The following STXBP5L variants were observed in gnomAD, a reference collection of about 807,000 sequenced individuals.
The protein encoded by STXBP5L is syntaxin-binding protein 5-like.
STXBP5L carries 65 observed loss-of-function variants against 144.5 expected under a neutral mutation model. The ratio of observed to expected loss-of-function variants is 0.45; its 90% CI spans 0.37 to 0.55. The LOEUF (loss-of-function observed/expected upper bound fraction) is 0.55, where lower values mean the gene tolerates loss of function less well. Among genes scored for constraint, STXBP5L ranks in the 20% least tolerant of loss-of-function variants. STXBP5L has a pLI of 0.00. For synonymous variants in STXBP5L, 505 were observed against 469.6 expected, an observed-to-expected ratio of 1.08 and a Z score of -0.97; for missense variants, 1,298 against 1,405.5, an observed-to-expected ratio of 0.92 and a Z score of 1.22.
chr3:120,982,559 T>A (rs150386865), intron 3 of STXBP5L, among the ~76,000 whole-genome samples: 3 of 152,272 alleles, frequency 2.0e-5, no homozygotes, highest in Admixed American at 6.5e-5. Flanking sequence ...CAGGCCACAG[T>A]GTAACTGAGG....
At chr3:121,301,339 C>G (rs1468351970) in intron 19 of STXBP5L, among the ~76,000 whole-genome samples, 8 of 152,090 alleles carry the variant, frequency 5.3e-5, no homozygotes, top group East Asian at 1.9e-4. Flanking sequence ...CGATTTGGCT[C>G]TCTGTTTGTC....
intron 2 of STXBP5L, among the ~76,000 whole-genome samples, chr3:120,937,767 G>A (rs1185176007): frequency 6.6e-6 from 1 of 152,192 alleles, no homozygotes; most frequent in South Asian, 2.1e-4. Context: ...AAATCTTAGG[G>A]TCTATGTTGG....
intron 5 of STXBP5L, among the ~76,000 whole-genome samples, chr3:121,063,086 C>T (rs1024750593): frequency 6.6e-6 from 1 of 152,174 alleles, no homozygotes; most frequent in African/African-American, 2.4e-5. Context: ...GCAGAAGAGT[C>T]ATTCTGGTTC....
intron 3 of STXBP5L, among the ~76,000 whole-genome samples, chr3:121,029,140 A>C (rs1946178238): frequency 6.6e-6 from 1 of 152,198 alleles, no homozygotes; most frequent in Non-Finnish European, 1.5e-5. Flanking sequence ...ATCCCCGTCA[A>C]GCTACCACTG....
intron 22 of STXBP5L, among the ~76,000 whole-genome samples, chr3:121,388,829 C>A (rs2046496705): frequency 6.6e-6 from 1 of 152,218 alleles, no homozygotes; most frequent in Non-Finnish European, 1.5e-5. Context: ...CGATGTTCAT[C>A]ACAGATATTG....
intron 3 of STXBP5L, among the ~76,000 whole-genome samples, chr3:120,962,787 A>G (rs1295771507): frequency 3.3e-5 from 5 of 152,144 alleles, no homozygotes; most frequent in Non-Finnish European, 7.4e-5. Flanking sequence ...TATGAACTTT[A>G]AATAGTTTTT....
chr3:121,221,579 C>T (rs1349613701), intron 10 of STXBP5L, among the ~76,000 whole-genome samples: 1 of 151,330 alleles, frequency 6.6e-6, no homozygotes, highest in Non-Finnish European at 1.5e-5. Context: ...CACACTATTT[C>T]ATAAATAACT....
At chr3:120,932,385 G>C (rs192846647) in intron 2 of STXBP5L, among the ~76,000 whole-genome samples, 31 of 152,190 alleles carry the variant, frequency 2.0e-4, no homozygotes, top group African/African-American at 7.0e-4. Context: ...CCATATAATA[G>C]TCTAGCAGGC....
chr3:121,259,023 G>A lies in STXBP5L; in HGVS notation c.1833-20G>A. On this transcript the variant is annotated intron_variant, in intron 17 of 26. Transcript: ENST00000471454. ...TGTTTATTTAAGCTGTATATAATAG[G>A]ATTGTTTTTGTTCTTAAAGTGTGAA... is the stretch of plus-strand genomic sequence containing the variant. The A allele has an allele frequency of 6.3e-7, 1 of 1,585,028 alleles. No individual in the cohort carries two copies. The highest frequency in any genetic ancestry group is 8.6e-7 in the Non-Finnish European group (1 of 1,164,902).
chr3:121,353,171 T>C lies in STXBP5L; in HGVS notation c.2177-25545T>C, dbSNP rs183730086. Among the ~76,000 whole-genome samples, 75 of 152,318 alleles carry C rather than the reference T, an allele frequency of 4.9e-4. 2 individuals carry two copies. Among genetic ancestry groups the C allele is most frequent in the African/African-American group, 1.8e-3 (74 of 41,584 alleles). The stretch of plus-strand genomic sequence containing the variant: ...TTTTTGTTGTGTCTCTGCCAGGCTT[T>C]GGTATCAGCATGATGTTGGCCTCAT... On this transcript the variant is annotated intron_variant, in intron 20 of 26. Transcript: ENST00000471454.
At chr3:120,984,107 G>A (rs1007521846) in intron 3 of STXBP5L, among the ~76,000 whole-genome samples, 1 of 152,158 alleles carries the variant, frequency 6.6e-6, no homozygotes, top group Admixed American at 6.5e-5. Context: ...GGATGGGACT[G>A]GAGTAGGCTT....
intron 5 of STXBP5L, among the ~76,000 whole-genome samples, chr3:121,097,318 C>A (rs191107395): frequency 7.2e-5 from 11 of 152,028 alleles, no homozygotes; most frequent in South Asian, 4.2e-4. Flanking sequence ...GGGGAGTGAA[C>A]GGTTCTGTCT....
chr3:121,238,887 G>C, intron 12 of STXBP5L, 84 bp from the exon 13 acceptor site: 1 of 1,302,922 alleles, frequency 7.7e-7, no homozygotes, highest in Non-Finnish European at 1.0e-6. Context: ...GATGTTTAGA[G>C]ACATTTTAGG....
chr3:121,029,819 T>G (rs1946232754), intron 3 of STXBP5L, among the ~76,000 whole-genome samples: 1 of 151,318 alleles, frequency 6.6e-6, no homozygotes, highest in Non-Finnish European at 1.5e-5. Context: ...TACAAGGAAC[T>G]TAAACAAATT....
intron 9 of STXBP5L, among the ~76,000 whole-genome samples, chr3:121,195,248 A>G (rs948512517): frequency 6.6e-5 from 10 of 151,934 alleles, no homozygotes; most frequent in African/African-American, 2.4e-4. Context: ...TAATAATGTT[A>G]GTTTCTCTTC....
rs144925781 is a variant in STXBP5L, at chr3:120,960,677, G to A, written c.287+5640G>A. On this transcript the variant is annotated intron_variant, in intron 3 of 26. Coordinates refer to ENST00000471454, the MANE Select transcript of STXBP5L (RefSeq NM_001308330.2). ...GGCAAGGACAGAAAAACCAAATACC[G>A]CGTGTTCTCACTCATAGGTGGGAAT... 3.6e-4 allele frequency among the ~76,000 whole-genome samples: 55 copies of A among 151,974 alleles called. No homozygotes were observed. The East Asian group carries it at 6.0e-3, about 17-fold the overall frequency.
At chr3:121,098,240 G>T (rs1301349213) in intron 5 of STXBP5L, among the ~76,000 whole-genome samples, 1 of 152,122 alleles carries the variant, frequency 6.6e-6, no homozygotes, top group Non-Finnish European at 1.5e-5. Context: ...AGTACTGCAG[G>T]CTGTACAGGA....
intron 3 of STXBP5L, among the ~76,000 whole-genome samples, chr3:121,005,857 T>C (rs997565310): frequency 7.9e-5 from 12 of 152,070 alleles, no homozygotes; most frequent in Non-Finnish European, 1.5e-4. Context: ...TGTAGTTGAG[T>C]GGTTTTGAGT....
At chr3:121,146,212 A>G (rs75208295) in intron 7 of STXBP5L, among the ~76,000 whole-genome samples, 177 of 152,176 alleles carry the variant, frequency 1.2e-3, no homozygotes, top group African/African-American at 4.2e-3. Flanking sequence ...TTATATAGCT[A>G]TACAGATATA....
Sources: gnomAD v4.1 joint callset for allele counts (sites outside exome capture counted in the v4.1 genomes callset) on GRCh38, gnomAD v4.1.1 for gene constraint, MANE v1.5 for transcripts, NCBI Gene and HGNC (gene_info 2026-07-23, HGNC 2026-07-21) for gene names.